The following NCOA2 variants were observed in gnomAD, a reference collection of about 807,000 sequenced individuals.
The protein encoded by NCOA2 is class E basic helix-loop-helix protein 75.
NCOA2 carries 21 observed loss-of-function variants against 145.1 expected under a neutral mutation model. The observed-to-expected ratio is 0.14, with a 90% CI of 0.10 to 0.21. The LOEUF is 0.21. NCOA2 is among the 10% of genes least tolerant of loss of function. The pLI is 1.00. For synonymous variants in NCOA2, 619 were observed against 637.5 expected, an observed-to-expected ratio of 0.97 and a Z score of 0.44; for missense variants, 1,472 against 1,837.6, an observed-to-expected ratio of 0.80 and a Z score of 3.64.
At chr8:70,171,516 C>T (rs943433256) in intron 5 of NCOA2, among the ~76,000 whole-genome samples, 4 of 152,186 alleles carry the variant, frequency 2.6e-5, no homozygotes, top group Non-Finnish European at 5.9e-5. Flanking sequence ...GGTTACATTA[C>T]CCCATTTTTC....
At chr8:70,182,390 C>T (rs1047441591) in intron 4 of NCOA2, among the ~76,000 whole-genome samples, 9 of 152,222 alleles carry the variant, frequency 5.9e-5, no homozygotes, top group African/African-American at 2.2e-4. Context: ...TATTTGGCTT[C>T]ATTTTCATCA....
At chr8:70,210,352 T>C (rs1409347687) in intron 4 of NCOA2, among the ~76,000 whole-genome samples, 1 of 152,144 alleles carries the variant, frequency 6.6e-6, no homozygotes, top group Non-Finnish European at 1.5e-5. Context: ...AATTACTAAG[T>C]AACTAACTTA....
chr8:70,330,432 ATGG>A (rs1660102071), intron 1 of NCOA2, among the ~76,000 whole-genome samples: 1 of 151,986 alleles, frequency 6.6e-6, no homozygotes, highest in South Asian at 2.1e-4. Context: ...TAAGCCGGGC[ATGG>A]TGGCACACAC....
chr8:70,287,169 G>T (rs920262161), intron 2 of NCOA2, among the ~76,000 whole-genome samples: 14 of 152,056 alleles, frequency 9.2e-5, no homozygotes, highest in African/African-American at 3.1e-4. Context: ...AATCTAGCTC[G>T]GGAGGTCGAG....
In NCOA2 at chr8:70,121,328, T is replaced by C; in HGVS notation, c.4357A>G (p.Ile1453Val). ...FPNQLPGMDM[I>V]KQEGDTTRKY... ...CGTGTTGTGTCTCCCTCCTGCTTAA[T>C]CATATCCATTCCAGGCAGCTGGTTT... Residue 1453 changes from isoleucine (I) to valine (V), a missense_variant, in exon 22 of 23, where the codon ATT becomes GTT. Coordinates refer to ENST00000452400, the MANE Select transcript of NCOA2 (RefSeq NM_006540.4). 1.9e-6 allele frequency: 3 copies of C among 1,613,106 alleles called. No individual in the cohort carries two copies. Among genetic ancestry groups the C allele is most frequent in the Non-Finnish European group, 2.5e-6 (3 of 1,179,480 alleles).
In NCOA2 at chr8:70,287,932, CTTGT is replaced by C. The variant is rs201107082; in HGVS notation, c.-20+8808_-20+8811del. Among the ~76,000 whole-genome samples, 570 of 152,138 alleles carry C rather than the reference CTTGT, an allele frequency of 3.7e-3. 7 individuals carry two copies. The highest frequency in any genetic ancestry group is 0.013 in the African/African-American group (548 of 41,510). On this transcript the variant is annotated intron_variant, in intron 2 of 22. Transcript: ENST00000452400. The stretch of plus-strand genomic sequence containing the variant: ...CTTTTTTGGCTTTCTCCGTCTTTTG[CTTGT>C]TTGTTTGTTTGTTTTAAGAGAACCA...
intron 2 of NCOA2, among the ~76,000 whole-genome samples, chr8:70,224,760 T>C (rs978508715): frequency 2.0e-5 from 3 of 149,728 alleles, no homozygotes; most frequent in Admixed American, 6.6e-5. Flanking sequence ...ATACGTTACA[T>C]ATATTTAATT....
chr8:70,452,579 T>A, the NCOA2 span, among the ~76,000 whole-genome samples: 1 of 152,096 alleles, frequency 6.6e-6, no homozygotes, highest in African/African-American at 2.4e-5. Context: ...GCTTAATGTG[T>A]GTGGGGTCTC....
chr8:70,214,502 T>C (rs539596894), intron 3 of NCOA2, among the ~76,000 whole-genome samples: 12 of 152,132 alleles, frequency 7.9e-5, no homozygotes, highest in African/African-American at 1.2e-4. Context: ...AGGAATAAAT[T>C]TCAATAATTT....
intron 2 of NCOA2, among the ~76,000 whole-genome samples, chr8:70,290,505 G>A (rs1826589178): frequency 6.6e-6 from 1 of 151,918 alleles, no homozygotes; most frequent in Admixed American, 6.6e-5. Context: ...ATTGATTATA[G>A]ACATCCATGA....
intron 2 of NCOA2, among the ~76,000 whole-genome samples, chr8:70,272,744 G>A (rs1825149497): frequency 1.3e-5 from 2 of 152,220 alleles, no homozygotes; most frequent in Admixed American, 6.5e-5. Flanking sequence ...AGGACACCAT[G>A]TTAGATATAA....
intron 15 of NCOA2, among the ~76,000 whole-genome samples, chr8:70,134,814 T>C (rs1224883197): frequency 2.0e-5 from 3 of 152,194 alleles, no homozygotes; most frequent in Non-Finnish European, 4.4e-5. Context: ...GATTAAAAAG[T>C]TAAACAGTGC....
chr8:70,239,006 T>G (rs1409945370), intron 2 of NCOA2, among the ~76,000 whole-genome samples: 3 of 152,192 alleles, frequency 2.0e-5, no homozygotes, highest in African/African-American at 7.2e-5. Flanking sequence ...TCTCTTACTT[T>G]GGTGTGTTCT....
chr8:70,115,649 A>G (rs919711382), intron 22 of NCOA2, among the ~76,000 whole-genome samples: 1 of 152,262 alleles, frequency 6.6e-6, no homozygotes, highest in African/African-American at 2.4e-5. Context: ...ACTAGTAAAT[A>G]CAAGTAATTA....
At chr8:70,218,218 T>A (rs1185541763) in intron 2 of NCOA2, among the ~76,000 whole-genome samples, 4 of 150,110 alleles carry the variant, frequency 2.7e-5, no homozygotes, top group Non-Finnish European at 5.9e-5. Context: ...TTTTTTTTTT[T>A]AAAGAGTCAT....
intron 4 of NCOA2, among the ~76,000 whole-genome samples, chr8:70,179,190 C>G (rs1283773037): frequency 1.3e-5 from 2 of 152,120 alleles, no homozygotes; most frequent in African/African-American, 2.4e-5. Context: ...GCTAATTTGT[C>G]ATCTATTCTT....
chr8:70,120,523 C>A (rs1020392998), intron 22 of NCOA2, among the ~76,000 whole-genome samples: 1 of 152,108 alleles, frequency 6.6e-6, no homozygotes, highest in Non-Finnish European at 1.5e-5. Flanking sequence ...GAGTTCAAGA[C>A]CAGCCTGGCC....
At chr8:70,214,126 G>GA in intron 3 of NCOA2, 51 bp from the exon 4 acceptor site, 5 of 1,510,446 alleles carry the variant, frequency 3.3e-6, no homozygotes, top group South Asian at 2.5e-5. Context: ...GAGCTATTGT[G>GA]AAAAAAATGA....
intron 2 of NCOA2, among the ~76,000 whole-genome samples, chr8:70,248,533 T>C (rs539198829): frequency 1.9e-3 from 286 of 152,322 alleles, no homozygotes; most frequent in Non-Finnish European, 3.5e-3. Flanking sequence ...GACGCATCCA[T>C]ATTACTGCAT....
Sources: gnomAD v4.1 joint callset for allele counts (sites outside exome capture counted in the v4.1 genomes callset) on GRCh38, gnomAD v4.1.1 for gene constraint, MANE v1.5 for transcripts, NCBI Gene and HGNC (gene_info 2026-07-23, HGNC 2026-07-21) for gene names.